Variants in AGBL1 observed in about 807,000 individuals in gnomAD.
AGBL1 encodes the protein AGBL carboxypeptidase 1.
Under a neutral mutation model 118.9 loss-of-function variants are expected in AGBL1, and 130 were observed. The observed-to-expected ratio is 1.09, with a 90% confidence interval of 0.95 to 1.26. The LOEUF (loss-of-function observed/expected upper bound fraction) is 1.26, where lower values mean the gene tolerates loss of function less well. AGBL1 is among the 50% of genes most tolerant of loss of function. The pLI, the probability that AGBL1 is intolerant of heterozygous loss-of-function variation, is 0.00. For synonymous variants in AGBL1, 555 were observed against 478.9 expected (o/e 1.16, Z -2.08); for missense variants, 1,584 against 1,298.1 (o/e 1.22, Z -3.38).
intron 18 of AGBL1, among the ~76,000 whole-genome samples, chr15:86,443,047 G>A (rs919744777): frequency 5.9e-5 from 9 of 152,258 alleles, no homozygotes; most frequent in East Asian, 3.9e-4. Context: ...ATCTCTCCCC[G>A]GATACTGTAT....
intron 22 of AGBL1, among the ~76,000 whole-genome samples, chr15:86,836,061 T>C (rs547268339): frequency 1.3e-5 from 2 of 152,292 alleles, no homozygotes; most frequent in South Asian, 4.2e-4. Context: ...TTCTGCAGTC[T>C]TAGAAAGAAA....
intron 5 of AGBL1, among the ~76,000 whole-genome samples, chr15:86,212,177 A>C (rs1019084408): frequency 6.6e-6 from 1 of 152,242 alleles, no homozygotes; most frequent in African/African-American, 2.4e-5. Context: ...TATATTTATA[A>C]ATTACTGTAT....
intron 17 of AGBL1, among the ~76,000 whole-genome samples, chr15:86,308,524 A>G (rs1209792656): frequency 6.6e-6 from 1 of 152,186 alleles, no homozygotes; most frequent in South Asian, 2.1e-4. Context: ...CACCCAGTCT[A>G]TAATATTTCT....
chr15:86,781,352 G>A (rs551016636), intron 22 of AGBL1, among the ~76,000 whole-genome samples: 1 of 152,144 alleles, frequency 6.6e-6, no homozygotes, highest in South Asian at 2.1e-4. Context: ...GTTTTGAAAA[G>A]TGCACATTAT....
At chr15:86,790,383 C>T (rs2078474759) in intron 22 of AGBL1, among the ~76,000 whole-genome samples, 1 of 150,178 alleles carries the variant, frequency 6.7e-6, no homozygotes, top group Non-Finnish European at 1.5e-5. Flanking sequence ...CACGCACGCA[C>T]ACACACACAC....
intron 22 of AGBL1, among the ~76,000 whole-genome samples, chr15:86,778,504 C>T (rs2078289498): frequency 6.6e-6 from 1 of 152,158 alleles, no homozygotes; most frequent in Non-Finnish European, 1.5e-5. Context: ...GGCCTACCCT[C>T]AGGGACGCAT....
chr15:87,004,189 G>A (rs1477665609), intron 24 of AGBL1, among the ~76,000 whole-genome samples: 1 of 152,190 alleles, frequency 6.6e-6, no homozygotes, highest in African/African-American at 2.4e-5. Context: ...TGGTTTCAAA[G>A]AACATCTTTA....
At chr15:86,996,125 A>C (rs1363309471) in intron 24 of AGBL1, among the ~76,000 whole-genome samples, 1 of 152,174 alleles carries the variant, frequency 6.6e-6, no homozygotes, top group African/African-American at 2.4e-5. Flanking sequence ...TAGCCCTGCT[A>C]TGGATATTTT....
chr15:86,206,869 T>C (rs1341611921), intron 5 of AGBL1, among the ~76,000 whole-genome samples: 3 of 152,216 alleles, frequency 2.0e-5, no homozygotes, highest in African/African-American at 7.2e-5. Flanking sequence ...GGTGTTTTAG[T>C]TATGAAGTCC....
chr15:86,286,463 C>A (rs1158260952), intron 16 of AGBL1, among the ~76,000 whole-genome samples: 2 of 151,932 alleles, frequency 1.3e-5, no homozygotes, highest in African/African-American at 4.8e-5. Flanking sequence ...TCCATTCCTC[C>A]CCCTTGTTCC....
chr15:86,459,636 G>T (rs1198191329), intron 18 of AGBL1, among the ~76,000 whole-genome samples: 1 of 152,008 alleles, frequency 6.6e-6, no homozygotes, highest in African/African-American at 2.4e-5. Flanking sequence ...TCATGCCCCA[G>T]ACACAGCCCT....
intron 1 of AGBL1, among the ~76,000 whole-genome samples, chr15:86,084,572 G>A (rs558135205): frequency 6.6e-6 from 1 of 152,280 alleles, no homozygotes; most frequent in East Asian, 1.9e-4. Flanking sequence ...GGTTTGCATT[G>A]CTTAAGAAAC....
intron 5 of AGBL1, among the ~76,000 whole-genome samples, chr15:86,164,535 G>T (rs1443746823): frequency 6.6e-6 from 1 of 152,178 alleles, no homozygotes; most frequent in Non-Finnish European, 1.5e-5. Context: ...TGGGCCTGAA[G>T]ATTTTGATAA....
chr15:86,826,073 A>T (rs2079010041), intron 22 of AGBL1, among the ~76,000 whole-genome samples: 1 of 152,062 alleles, frequency 6.6e-6, no homozygotes, highest in Non-Finnish European at 1.5e-5. Context: ...TTTCACACTG[A>T]TGTAATCCAC....
In AGBL1 at chr15:86,281,288, T is replaced by A. The variant is rs148661704; in HGVS notation, c.2220+1505T>A. The stretch of plus-strand genomic sequence containing the variant: ...AGACCCAGCTACTTGGGAGGCTGAG[T>A]TGGAGGATCACTTGGGCTCAGGAGG... On this transcript the variant is annotated intron_variant, in intron 16 of 22. Transcript: ENST00000614907. Among the ~76,000 whole-genome samples, 47 of 152,064 alleles carry A rather than the reference T, an allele frequency of 3.1e-4. No individual in the cohort carries two copies. The East Asian group carries it at 7.7e-3, about 25-fold the overall frequency.
At chr15:86,857,377 T>G (rs1020829233) in intron 22 of AGBL1, among the ~76,000 whole-genome samples, 26 of 152,124 alleles carry the variant, frequency 1.7e-4, no homozygotes, top group African/African-American at 6.3e-4. Flanking sequence ...CAGTATGGGA[T>G]TCTCACCCAT....
chr15:86,127,178 T>C (rs1426696793), intron 1 of AGBL1, among the ~76,000 whole-genome samples: 1 of 152,248 alleles, frequency 6.6e-6, no homozygotes, highest in East Asian at 1.9e-4. Flanking sequence ...TTGATGATTA[T>C]GTTTATGAAG....
chr15:86,470,361 G>A (rs1213419063), intron 18 of AGBL1, among the ~76,000 whole-genome samples: 1 of 152,092 alleles, frequency 6.6e-6, no homozygotes, highest in Non-Finnish European at 1.5e-5. Context: ...TGGCACTGTT[G>A]TTGATCAGTT....
intron 24 of AGBL1, among the ~76,000 whole-genome samples, chr15:87,010,887 C>G (rs1202263205): frequency 6.6e-6 from 1 of 152,320 alleles, no homozygotes; most frequent in East Asian, 1.9e-4. Context: ...TCTATCCACC[C>G]ATCATATTGA....
Sources: allele counts gnomAD v4.1 joint callset (sites outside exome capture counted in the v4.1 genomes callset), GRCh38; gene constraint gnomAD v4.1.1; transcripts MANE v1.5; gene names NCBI Gene and HGNC (gene_info 2026-07-23, HGNC 2026-07-21).